Variants in RNF152 observed in about 807,000 individuals in gnomAD.
RNF152 encodes the protein E3 ubiquitin-protein ligase RNF152.
Under a neutral mutation model 12.7 loss-of-function variants are expected in RNF152, and 11 were observed. The observed-to-expected ratio is 0.86, with a 90% confidence interval of 0.54 to 1.43. RNF152 has a LOEUF of 1.43. Ranked by LOEUF, RNF152 falls within the 40% of genes most tolerant of loss-of-function variation. RNF152 has a pLI of 0.00. For synonymous variants in RNF152, 113 were observed against 120.3 expected, an observed-to-expected ratio of 0.94 and a Z score of 0.40; for missense variants, 255 against 274.8, an observed-to-expected ratio of 0.93 and a Z score of 0.51.
intron 1 of RNF152, among the ~76,000 whole-genome samples, chr18:61,844,426 A>G (rs62096303): frequency 0.33 from 50,959 of 152,138 alleles, 9,301 homozygotes; most frequent in Non-Finnish European, 0.42. Flanking sequence ...GGAAAATCAT[A>G]AAAACAATAC....
At position 61,820,331 on chromosome 18, in the gene RNF152, C is replaced by CAAAAAAAA. The variant is rs1344591753; in HGVS notation, c.-135-3741_-135-3734dup. Among the ~76,000 whole-genome samples, 54 of 39,968 alleles carry CAAAAAAAA rather than the reference C, an allele frequency of 1.4e-3. 22 individuals are homozygous for CAAAAAAAA. Among genetic ancestry groups the CAAAAAAAA allele is most frequent in the African/African-American group, 3.4e-3 (23 of 6,836 alleles). 26.2% of individuals were successfully genotyped at this position (39,968 alleles called of 152,430 possible). A position where few individuals can be genotyped will look rare whatever the true frequency, so the allele number is the denominator to read the frequency against. The stretch of plus-strand genomic sequence containing the variant: ...GTGACAGAGAGAGACTCCGTCTCAC[C>CAAAAAAAA]AAAAAAAAAAAAAAAAAAAAAAAAA... On this transcript the variant is annotated intron_variant, in intron 1 of 1. Transcript: ENST00000312828.
intron 1 of RNF152, among the ~76,000 whole-genome samples, chr18:61,887,701 C>CAAA (rs34170984): frequency 2.8e-5 from 3 of 105,930 alleles, no homozygotes; most frequent in Non-Finnish European, 6.0e-5. Context: ...GACTCCATCT[C>CAAA]AAAAAAAAAA....
In RNF152 at chr18:61,811,022, G is replaced by A. The variant is rs1912955635; in HGVS notation, c.*4830C>T. The A allele has an allele frequency of 6.7e-6, 1 of 148,884 alleles. No homozygotes were observed. Among genetic ancestry groups the A allele is most frequent in the South Asian group, 2.1e-4 (1 of 4,698 alleles). 9.2% of individuals were successfully genotyped at this position (148,884 alleles called of 1,614,324 possible). Reference sequence around the variant, plus strand: ...TTTTGAACTTCTATCTTCCTATTAAGGCTAAAGAAAGATTAGTATCTTGGC... The same window carrying A: ...TTTTGAACTTCTATCTTCCTATTAAAGCTAAAGAAAGATTAGTATCTTGGC... On this transcript the variant is annotated 3_prime_UTR_variant, in exon 2 of 2. Transcript: ENST00000312828.
chr18:61,819,870 A>C (rs1909296679), intron 1 of RNF152, among the ~76,000 whole-genome samples: 1 of 151,938 alleles, frequency 6.6e-6, no homozygotes, highest in Non-Finnish European at 1.5e-5. Flanking sequence ...AAAATAAAAA[A>C]ATTAGCTGGG....
At chr18:61,875,328 G>A (rs1325019789) in intron 1 of RNF152, among the ~76,000 whole-genome samples, 1 of 152,192 alleles carries the variant, frequency 6.6e-6, no homozygotes, top group African/African-American at 2.4e-5. Flanking sequence ...AAATCCAGTT[G>A]AAATCATAAC....
intron 1 of RNF152, among the ~76,000 whole-genome samples, chr18:61,859,301 G>C (rs78194954): frequency 1.3e-5 from 2 of 152,232 alleles, no homozygotes; most frequent in Non-Finnish European, 2.9e-5. Flanking sequence ...AAGTGAAACA[G>C]GCAACAGAGC....
Position 61,816,370 on chromosome 18 carries a change from G to T in RNF152, c.94C>A (p.His32Asn). 1 of 1,614,206 alleles carries T rather than the reference G, an allele frequency of 6.2e-7. No individual in the cohort carries two copies. The highest frequency in any genetic ancestry group is 8.5e-7 in the Non-Finnish European group (1 of 1,180,036). Residue 32 changes from histidine to asparagine, a missense_variant, in exon 2 of 2, where the codon CAC (histidine) becomes AAC (asparagine). Physicochemically the swap from His to Asn is moderately conservative, Grantham distance 68. Coordinates refer to ENST00000312828, the MANE Select transcript of RNF152 (RefSeq NM_173557.3). Reference sequence around the variant, plus strand: ...TGCAGGCACACTGAACAGCAGGTGTGCTTGCAGTCCAGCAACTTGGGCCTG... The same window carrying T: ...TGCAGGCACACTGAACAGCAGGTGTTCTTGCAGTCCAGCAACTTGGGCCTG... ...RRRPKLLDCK[H>N]TCCSVCLQQM...
chr18:61,840,649 C>G (rs867492213), intron 1 of RNF152, among the ~76,000 whole-genome samples: 1 of 152,144 alleles, frequency 6.6e-6, no homozygotes, highest in South Asian at 2.1e-4. Context: ...AATTCCCTTC[C>G]AGCTCCCAGA....
Position 61,844,187 on chromosome 18 carries a change from A to G in RNF152, c.-135-27589T>C, listed in dbSNP as rs956740902. On this transcript the variant is annotated intron_variant, in intron 1 of 1. Coordinates refer to ENST00000312828, the MANE Select transcript of RNF152 (RefSeq NM_173557.3). ...GGAGGAAGGGAGGAAGAGAGGAAGG[A>G]AGGAAGGGAAGGAGGGAGGGAAGGA... Among the ~76,000 whole-genome samples, 177 of 58,358 alleles carry G rather than the reference A, an allele frequency of 3.0e-3. 2 individuals carry two copies. In the Middle Eastern group the frequency reaches 0.036, roughly 12 times the overall value. The allele number at this position is 58,358 out of a possible 152,430, so 38.3% of individuals were successfully genotyped here.
At chr18:61,844,217 G>GGGA (rs2144679884) in intron 1 of RNF152, among the ~76,000 whole-genome samples, 2 of 147,764 alleles carry the variant, frequency 1.4e-5, no homozygotes, top group African/African-American at 5.0e-5. Flanking sequence ...GAAGGAGGGA[G>GGGA]GGAAGGAGGG....
intron 1 of RNF152, among the ~76,000 whole-genome samples, chr18:61,869,756 CA>C (rs1239534538): frequency 1.3e-5 from 2 of 152,194 alleles, no homozygotes; most frequent in African/African-American, 4.8e-5. Flanking sequence ...CACACACACG[CA>C]CGCACACACA....
intron 1 of RNF152, among the ~76,000 whole-genome samples, chr18:61,868,519 G>T (rs150615882): frequency 6.6e-6 from 1 of 151,970 alleles, no homozygotes; most frequent in Non-Finnish European, 1.5e-5. Context: ...CCTGGCCAAC[G>T]TGGTAAAATC....
intron 1 of RNF152, among the ~76,000 whole-genome samples, chr18:61,829,629 T>A (rs76862350): frequency 0.05 from 6,227 of 124,914 alleles, 431 homozygotes; most frequent in African/African-American, 0.17. Context: ...CCTAGGGCGG[T>A]TGAAGGGGAG....
chr18:61,869,482 C>T (rs764838863), intron 1 of RNF152, among the ~76,000 whole-genome samples: 11 of 152,146 alleles, frequency 7.2e-5, no homozygotes, highest in South Asian at 2.1e-4. Flanking sequence ...TCACCACAGA[C>T]GGCACTAAAG....
chr18:61,848,778 A>G (rs1910844600), intron 1 of RNF152, among the ~76,000 whole-genome samples: 1 of 152,206 alleles, frequency 6.6e-6, no homozygotes, highest in African/African-American at 2.4e-5. Context: ...AGATGGGGAC[A>G]AGGGGCTAAG....
intron 1 of RNF152, among the ~76,000 whole-genome samples, chr18:61,875,635 C>T (rs80272523): frequency 0.032 from 4,860 of 152,242 alleles, 270 homozygotes; most frequent in African/African-American, 0.11. Flanking sequence ...TTAATTTCTC[C>T]CAAATCTGTT....
At chr18:61,846,981 G>C (rs993449240) in intron 1 of RNF152, among the ~76,000 whole-genome samples, 1 of 152,024 alleles carries the variant, frequency 6.6e-6, no homozygotes. Context: ...GTAACTCAGG[G>C]ACAATCACAC....
chr18:61,868,176 G>A (rs547532079), intron 1 of RNF152, among the ~76,000 whole-genome samples: 54 of 152,162 alleles, frequency 3.5e-4, no homozygotes, highest in Non-Finnish European at 6.2e-4. Flanking sequence ...TGTAGAGGTT[G>A]GCCTTCGGGT....
At chr18:61,860,537 T>C (rs1911424624) in intron 1 of RNF152, among the ~76,000 whole-genome samples, 1 of 152,250 alleles carries the variant, frequency 6.6e-6, no homozygotes, top group Non-Finnish European at 1.5e-5. Context: ...TAAAGAAACC[T>C]ACCATGCTGC....
Sources: gnomAD v4.1 joint callset for allele counts (sites outside exome capture counted in the v4.1 genomes callset) on GRCh38, gnomAD v4.1.1 for gene constraint, MANE v1.5 for transcripts, NCBI Gene and HGNC (gene_info 2026-07-23, HGNC 2026-07-21) for gene names.